The following LRP1B variants were observed in gnomAD, a reference collection of about 807,000 sequenced individuals.
LRP1B encodes the protein low-density lipoprotein receptor-related protein 1B.
LRP1B carries 217 observed loss-of-function variants against 556.6 expected under a neutral mutation model. That is an observed-to-expected ratio of 0.39 (90% CI 0.35 to 0.44). The LOEUF (loss-of-function observed/expected upper bound fraction) is 0.44, where lower values mean the gene tolerates loss of function less well. LRP1B is among the 20% of genes least tolerant of loss of function. LRP1B has a pLI of 1.00. For synonymous variants in LRP1B, 2,047 were observed against 1,865.8 expected, an observed-to-expected ratio of 1.10 and a Z score of -2.50; for missense variants, 5,053 against 5,620.8, an observed-to-expected ratio of 0.90 and a Z score of 3.23.
rs2105020366 is a variant in LRP1B at position 140,541,856 on chromosome 2, C to T, written c.7310G>A (p.Gly2437Glu). 1 of 1,612,900 alleles carries T rather than the reference C, an allele frequency of 6.2e-7. No homozygotes were observed. Among genetic ancestry groups the T allele is most frequent in the Non-Finnish European group, 8.5e-7 (1 of 1,179,212 alleles). The change falls in exon 44 of 91, where the codon GGA becomes GAA. Residue 2437 changes from glycine (G) to glutamate (E), a missense_variant. Transcript: ENST00000389484. ...AILRSNKYTG[G>E]DTKILRSDIP... ...ATCGGAACGAAGAATTTTTGTATCT[C>T]CTCCTGTGTACTTGTTGGACCGCAG...
At chr2:140,989,848 A>C (rs140303421) in intron 16 of LRP1B, among the ~76,000 whole-genome samples, 191 bp from the exon 17 acceptor site, 21 of 152,300 alleles carry the variant, frequency 1.4e-4, no homozygotes, top group Non-Finnish European at 1.5e-5. Flanking sequence ...TGCTTTTATA[A>C]AAAACATCAA....
intron 41 of LRP1B, among the ~76,000 whole-genome samples, chr2:140,625,846 C>T (rs1458639276): frequency 6.6e-6 from 1 of 152,152 alleles, no homozygotes; most frequent in Admixed American, 6.5e-5. Flanking sequence ...ATACTCTCAC[C>T]ATATGATCCA....
chr2:141,279,466 T>A (rs543762288), intron 3 of LRP1B, among the ~76,000 whole-genome samples: 1 of 152,018 alleles, frequency 6.6e-6, no homozygotes. Flanking sequence ...TCTAGAACAA[T>A]TTAATCAGTC....
chr2:140,518,364 A>C (rs1308377079), intron 49 of LRP1B, among the ~76,000 whole-genome samples: 1 of 152,136 alleles, frequency 6.6e-6, no homozygotes, highest in Non-Finnish European at 1.5e-5. Flanking sequence ...GCCTGCATGC[A>C]TGTCCCTTTC....
chr2:140,292,910 T>C (rs767497212), intron 84 of LRP1B, among the ~76,000 whole-genome samples: 1 of 152,172 alleles, frequency 6.6e-6, no homozygotes, highest in Non-Finnish European at 1.5e-5. Flanking sequence ...AATTGTTTTA[T>C]ACGTTACTTG....
intron 41 of LRP1B, among the ~76,000 whole-genome samples, chr2:140,622,602 A>G (rs908271645): frequency 6.6e-6 from 1 of 152,204 alleles, no homozygotes; most frequent in Non-Finnish European, 1.5e-5. Flanking sequence ...CATACTTACT[A>G]CTAATTGCAC....
At chr2:140,480,700 C>A (rs920482431) in intron 59 of LRP1B, among the ~76,000 whole-genome samples, 1 of 152,120 alleles carries the variant, frequency 6.6e-6, no homozygotes, top group Non-Finnish European at 1.5e-5. Flanking sequence ...CTTGACCTCC[C>A]AAAGTCCTGG....
intron 1 of LRP1B, among the ~76,000 whole-genome samples, chr2:142,121,566 C>G (rs1227675652): frequency 6.6e-6 from 1 of 152,200 alleles, no homozygotes; most frequent in Non-Finnish European, 1.5e-5. Context: ...CTTGTCCCCT[C>G]TCGTCACTTA....
At chr2:141,414,485 A>T (rs1024480319) in intron 3 of LRP1B, among the ~76,000 whole-genome samples, 6 of 152,060 alleles carry the variant, frequency 3.9e-5, no homozygotes, top group African/African-American at 1.4e-4. Flanking sequence ...CTATTTGAAG[A>T]CTTCATTTCT....
At chr2:141,535,773 T>G (rs2105200163) in intron 2 of LRP1B, among the ~76,000 whole-genome samples, 1 of 152,232 alleles carries the variant, frequency 6.6e-6, no homozygotes, top group East Asian at 1.9e-4. Context: ...CCATGGCCTA[T>G]GAAGGTTAAT....
chr2:140,664,536 C>A (rs1000527972), intron 41 of LRP1B, among the ~76,000 whole-genome samples: 1 of 152,076 alleles, frequency 6.6e-6, no homozygotes, highest in Non-Finnish European at 1.5e-5. Context: ...AGGAAAGCAT[C>A]TTTTATAAAG....
At chr2:140,856,135 T>G (rs1051900412) in intron 27 of LRP1B, among the ~76,000 whole-genome samples, 1 of 152,184 alleles carries the variant, frequency 6.6e-6, no homozygotes, top group Admixed American at 6.5e-5. Flanking sequence ...TCTACCACTT[T>G]CCTTCTACAT....
intron 7 of LRP1B, among the ~76,000 whole-genome samples, chr2:141,090,605 C>A (rs772458215): frequency 9.2e-5 from 14 of 152,250 alleles, no homozygotes; most frequent in Non-Finnish European, 2.1e-4. Context: ...TGATTCCTGG[C>A]ATGAAAGTAA....
intron 1 of LRP1B, among the ~76,000 whole-genome samples, chr2:142,017,871 A>T (rs1396082502): frequency 6.6e-6 from 1 of 151,824 alleles, no homozygotes; most frequent in Non-Finnish European, 1.5e-5. Flanking sequence ...ACAGAGCGAG[A>T]CCTTGTCTCA....
intron 83 of LRP1B, among the ~76,000 whole-genome samples, chr2:140,311,386 T>C (rs1684294963): frequency 6.6e-6 from 1 of 151,804 alleles, no homozygotes; most frequent in East Asian, 1.9e-4. Context: ...TGTAGTAACA[T>C]GGATGAAACT....
chr2:140,357,989 T>C lies in LRP1B; in HGVS notation c.11385A>G (p.Gly3795=), dbSNP rs373175978. ...DDCGDGSDEQ[G]CRIAPTEYTC... ...AGAAAACAAGCTCACCTATTCTGCA[T>C]CCTTGCTCATCTGAACCATCTCCGC... Residue 3795 remains glycine, a synonymous_variant, in exon 74 of 91, where the codon GGA becomes GGG. Transcript: ENST00000389484. 1.2e-5 allele frequency: 19 copies of C among 1,610,200 alleles called. No homozygotes were observed. The African/African-American group carries it at 2.3e-4, about 19-fold the overall frequency.
At chr2:141,116,966 C>T (rs962823629) in intron 7 of LRP1B, among the ~76,000 whole-genome samples, 1 of 151,934 alleles carries the variant, frequency 6.6e-6, no homozygotes, top group African/African-American at 2.4e-5. Flanking sequence ...TTTGTTAGTT[C>T]GTGGGTAACA....
chr2:141,183,571 A>T (rs1397705735), intron 7 of LRP1B, among the ~76,000 whole-genome samples: 1 of 152,018 alleles, frequency 6.6e-6, no homozygotes, highest in African/African-American at 2.4e-5. Flanking sequence ...AAGACAACAC[A>T]CTTTTCCCTT....
chr2:140,497,270 C>T (rs1460134958), intron 55 of LRP1B, among the ~76,000 whole-genome samples: 1 of 151,846 alleles, frequency 6.6e-6, no homozygotes, highest in African/African-American at 2.4e-5. Context: ...ACCCACTTAG[C>T]AATCCAGTGG....
Sources: gnomAD v4.1 joint callset for allele counts (sites outside exome capture counted in the v4.1 genomes callset) on GRCh38, gnomAD v4.1.1 for gene constraint, MANE v1.5 for transcripts, NCBI Gene and HGNC (gene_info 2026-07-23, HGNC 2026-07-21) for gene names.